The following TRIOBP variants were observed in gnomAD, a reference collection of about 807,000 sequenced individuals.
TRIOBP encodes TRIO and F-actin-binding protein.
In TRIOBP, 169 loss-of-function variants were observed where a neutral mutation model predicts 238.8. That is an observed-to-expected ratio of 0.71 (90% CI 0.62 to 0.80). The LOEUF (loss-of-function observed/expected upper bound fraction) is 0.80, where lower values mean the gene tolerates loss of function less well. Ranked by LOEUF, TRIOBP falls within the 30% of genes least tolerant of loss-of-function variation. TRIOBP has a pLI of 0.00. For missense variants in TRIOBP, 2,838 were observed against 3,122.6 expected (o/e 0.91, Z 2.17); for synonymous variants, 1,150 against 1,274.4 (o/e 0.90, Z 2.08).
chr22:37,748,618 C>T (rs376664534), intron 11 of TRIOBP, among the ~76,000 whole-genome samples: 1 of 152,110 alleles, frequency 6.6e-6, no homozygotes, highest in East Asian at 1.9e-4. Flanking sequence ...TCCCTGAGCC[C>T]CTATCTGTGC....
chr22:37,761,762 T>C (rs1019250020), intron 17 of TRIOBP, among the ~76,000 whole-genome samples: 5 of 150,862 alleles, frequency 3.3e-5, no homozygotes, highest in Non-Finnish European at 7.4e-5. Flanking sequence ...TTTCCACTGA[T>C]AGAGGAGCAG....
At chr22:37,715,959 C>G (rs1038082039) in intron 6 of TRIOBP, 25 bp downstream of exon 6, 21 of 1,611,352 alleles carry the variant, frequency 1.3e-5, no homozygotes, top group Non-Finnish European at 1.7e-5. Flanking sequence ...CAGGTTGGTT[C>G]CCATGGTGAT....
intron 11 of TRIOBP, among the ~76,000 whole-genome samples, chr22:37,749,458 G>A (rs1925461142): frequency 6.6e-6 from 1 of 152,070 alleles, no homozygotes; most frequent in South Asian, 2.1e-4. Flanking sequence ...TAGAGGGGTT[G>A]TGTGCCTGGC....
At chr22:37,772,856 C>T in intron 23 of TRIOBP, 92 bp downstream of exon 23, 2 of 1,483,306 alleles carry the variant, frequency 1.3e-6, no homozygotes, top group Non-Finnish European at 1.8e-6. Context: ...CAGGCCACTT[C>T]CTTCTTCTGG....
At chr22:37,770,390 C>T (rs1181475039) in intron 21 of TRIOBP, among the ~76,000 whole-genome samples, 2 of 140,396 alleles carry the variant, frequency 1.4e-5, no homozygotes, top group Middle Eastern at 4.0e-3. Context: ...GCGGAGCGTG[C>T]AGTGAGCCGA....
chr22:37,767,141 C>T (rs1473603293), intron 18 of TRIOBP, among the ~76,000 whole-genome samples: 2 of 152,104 alleles, frequency 1.3e-5, no homozygotes, highest in African/African-American at 4.8e-5. Flanking sequence ...ATCCCAGCTA[C>T]TCAGGAGGCT....
rs541442850 is a variant in TRIOBP at position 37,707,867 on chromosome 22, G to A, written c.115-2560G>A. ...TGAGGCAGGACAATTGCTTGAACCC[G>A]GGAGGCAGAGGTTGCAGTGAGCTGA... On this transcript the variant is annotated intron_variant, in intron 3 of 23. Coordinates refer to ENST00000644935, the MANE Select transcript of TRIOBP (RefSeq NM_001039141.3). Among the ~76,000 whole-genome samples, 9 of 150,552 alleles carry A rather than the reference G, an allele frequency of 6.0e-5. No homozygotes were observed. In the South Asian group the frequency reaches 1.3e-3, roughly 21 times the overall value.
chr22:37,768,969 C>A, intron 19 of TRIOBP, 59 bp from the exon 20 acceptor site: 1 of 1,611,102 alleles, frequency 6.2e-7, no homozygotes, highest in Non-Finnish European at 8.5e-7. Context: ...CCTGACTGGA[C>A]TCCAGGCTTG....
At chr22:37,767,253 G>A (rs1305544523) in intron 18 of TRIOBP, among the ~76,000 whole-genome samples, 7 of 151,164 alleles carry the variant, frequency 4.6e-5, no homozygotes, top group African/African-American at 1.5e-4. Flanking sequence ...TCCGTCTCCT[G>A]GGTGACAGAG....
Position 37,725,220 on chromosome 22 carries a change from A to G in TRIOBP, c.2664A>G (p.Gln888=), listed in dbSNP as rs149390662. The G allele has an allele frequency of 9.3e-3, 14,934 of 1,613,996 alleles. 111 individuals are homozygous for G. Among genetic ancestry groups the G allele is most frequent in the Non-Finnish European group, 1.0e-2 (11,777 of 1,179,986 alleles). ...LRPSSPHRST[Q]WNNPRNSSPH... is the part of the protein sequence containing the mutation. ...CATCATCTCCCCACCGCTCCACTCA[A>G]TGGAACAATCCCAGGAATTCATCTC... The change falls in exon 7 of 24, where the codon CAA becomes CAG. Residue 888 remains glutamine, a synonymous_variant. Coordinates refer to ENST00000644935, the MANE Select transcript of TRIOBP (RefSeq NM_001039141.3).
rs56016429 is a variant in TRIOBP, at chr22:37,754,993, A to G, written c.5487+9A>G. On this transcript the variant is annotated intron_variant, in intron 13 of 23. Transcript: ENST00000644935. ...ACTCCACTGCTGAGGAGGTGAGGCC[A>G]TGGGTGTACTGATGAACCCCCGGAA... 47,162 of 1,613,678 alleles carry G rather than the reference A, an allele frequency of 0.029. 1,019 individuals carry two copies. The highest frequency in any genetic ancestry group is 0.076 in the African/African-American group (5,669 of 75,020).
intron 18 of TRIOBP, 63 bp from the exon 19 acceptor site, chr22:37,768,011 G>A: frequency 7.6e-7 from 1 of 1,308,322 alleles, no homozygotes; most frequent in Non-Finnish European, 1.1e-6. Flanking sequence ...TCTCAGAGCT[G>A]GTGGCACTTG....
rs371008339 is a variant in TRIOBP at position 37,750,118 on chromosome 22, G to A, written c.5323-1654G>A. ...TCGGAAGCTGCGGGAGGGGAGGACC[G>A]CCCCGTCATTTGCCACATCAGGCAG... is the stretch of plus-strand genomic sequence containing the variant. On this transcript the variant is annotated intron_variant, in intron 11 of 23. Transcript: ENST00000644935. 1.8e-4 allele frequency among the ~76,000 whole-genome samples: 28 copies of A among 152,302 alleles called. No homozygotes were observed. In the South Asian group the frequency reaches 5.2e-3, roughly 28 times the overall value.
At chr22:37,735,514 C>T in intron 9 of TRIOBP, 72 bp downstream of exon 9, 2 of 1,517,188 alleles carry the variant, frequency 1.3e-6, no homozygotes, top group Non-Finnish European at 1.8e-6. Context: ...CTTGGAAAAG[C>T]CTCCCCTTGG....
At chr22:37,757,208 A>T (rs1169446861) in intron 15 of TRIOBP, among the ~76,000 whole-genome samples, 2 of 152,094 alleles carry the variant, frequency 1.3e-5, no homozygotes, top group Non-Finnish European at 2.9e-5. Flanking sequence ...TCAAAAATTT[A>T]AAAAATTAGC....
chr22:37,742,879 T>C (rs1925008338), intron 11 of TRIOBP, among the ~76,000 whole-genome samples: 1 of 152,178 alleles, frequency 6.6e-6, no homozygotes. Context: ...CAGGTGCAGT[T>C]AGACGCCTAC....
At chr22:37,714,935 C>T (rs1304532464) in intron 5 of TRIOBP, among the ~76,000 whole-genome samples, 1 of 152,152 alleles carries the variant, frequency 6.6e-6, no homozygotes, top group African/African-American at 2.4e-5. Context: ...GGAGTCTACA[C>T]CACAGAAGGT....
chr22:37,711,590 A>C (rs566607460), intron 4 of TRIOBP, among the ~76,000 whole-genome samples: 17,849 of 47,200 alleles, frequency 0.38, 2,242 homozygotes, highest in African/African-American at 0.49. Context: ...AAAAAAAAAA[A>C]AACAACAAAA....
At chr22:37,751,395 G>T (rs1925596947) in intron 11 of TRIOBP, 1 of 366,228 alleles carries the variant, frequency 2.7e-6, no homozygotes, top group South Asian at 2.2e-5. Context: ...TTCGCGCAGT[G>T]CTGCTGGTCT....
Sources: allele counts gnomAD v4.1 joint callset (sites outside exome capture counted in the v4.1 genomes callset), GRCh38; gene constraint gnomAD v4.1.1; transcripts MANE v1.5; gene names NCBI Gene and HGNC (gene_info 2026-07-23, HGNC 2026-07-21).